MNS1: variants seen among roughly 807,000 people sequenced by gnomAD.
MNS1 encodes the protein meiosis-specific nuclear structural protein 1.
A neutral mutation model predicts 72.0 loss-of-function variants in MNS1; 63 were observed. The ratio of observed to expected loss-of-function variants is 0.87; its 90% CI spans 0.71 to 1.08. MNS1 has a LOEUF of 1.08. MNS1 is among the 50% of genes least tolerant of loss of function. The pLI is 0.00. For missense variants in MNS1, 604 were observed against 562.4 expected (o/e 1.07, Z -0.75); for synonymous variants, 188 against 172.1 (o/e 1.09, Z -0.72).
At chr15:56,462,109 A>C (rs1286344867) in intron 2 of MNS1, among the ~76,000 whole-genome samples, 1 of 149,572 alleles carries the variant, frequency 6.7e-6, no homozygotes, top group African/African-American at 2.5e-5. Context: ...GGCTCAAGAG[A>C]TCCTTCCATC....
At chr15:56,451,211 C>T (rs1172920707) in intron 3 of MNS1, among the ~76,000 whole-genome samples, 6 of 152,132 alleles carry the variant, frequency 3.9e-5, no homozygotes, top group East Asian at 1.9e-4. Flanking sequence ...TAGTTTTTCA[C>T]GTAGTCCCAA....
intron 7 of MNS1, among the ~76,000 whole-genome samples, chr15:56,443,181 A>G (rs563012297): frequency 6.6e-6 from 1 of 152,242 alleles, no homozygotes; most frequent in South Asian, 2.1e-4. Flanking sequence ...TAAAGTATGT[A>G]TCTTCATTTT....
chr15:56,438,135 C>CA (rs1567149042), intron 7 of MNS1, among the ~76,000 whole-genome samples: 1 of 152,074 alleles, frequency 6.6e-6, no homozygotes, highest in South Asian at 2.1e-4. Flanking sequence ...CATATGGAAC[C>CA]AAAAAAGGGG....
At chr15:56,455,275 T>C (rs1231796292) in intron 3 of MNS1, among the ~76,000 whole-genome samples, 1 of 129,968 alleles carries the variant, frequency 7.7e-6, no homozygotes, top group Non-Finnish European at 1.6e-5. Flanking sequence ...AAAAAAACCA[T>C]GAGTAACAGC....
At chr15:56,459,455 A>G (rs571756345) in intron 2 of MNS1, among the ~76,000 whole-genome samples, 17 of 152,294 alleles carry the variant, frequency 1.1e-4, no homozygotes, top group East Asian at 3.9e-4. Context: ...TATGCCTTCA[A>G]TTATCTCTTG....
chr15:56,434,043 GC>G (rs1463028217), intron 8 of MNS1, 94 bp downstream of exon 8: 1 of 1,305,348 alleles, frequency 7.7e-7, no homozygotes, highest in African/African-American at 1.5e-5. Flanking sequence ...ACATTGTCTG[GC>G]ATATAAAGCT....
intron 7 of MNS1, among the ~76,000 whole-genome samples, chr15:56,441,720 TA>T (rs2050817044): frequency 6.6e-6 from 1 of 151,964 alleles, no homozygotes; most frequent in Admixed American, 6.6e-5. Flanking sequence ...CAACCCTATT[TA>T]AAAAATAGAC....
chr15:56,459,143 T>G (rs1235891349), intron 2 of MNS1, among the ~76,000 whole-genome samples: 1 of 152,194 alleles, frequency 6.6e-6, no homozygotes, highest in Admixed American at 6.5e-5. Context: ...CCCTGGCACC[T>G]ACTTATCTAT....
intron 4 of MNS1, among the ~76,000 whole-genome samples, chr15:56,446,420 C>T (rs191001953): frequency 1.3e-4 from 20 of 151,958 alleles, no homozygotes; most frequent in South Asian, 4.1e-4. Flanking sequence ...CAGAGAGAAA[C>T]ATGAGAAAAA....
chr15:56,446,953 A>G lies in MNS1; in HGVS notation c.354-10T>C, dbSNP rs200977062. 3.2e-6 allele frequency: 5 copies of G among 1,572,308 alleles called. No individual in the cohort carries two copies. In the Admixed American group the frequency reaches 6.7e-5, roughly 21 times the overall value. On this transcript the variant is annotated splice_polypyrimidine_tract_variant and intron_variant, in intron 3 of 9. Coordinates refer to ENST00000260453, the MANE Select transcript of MNS1 (RefSeq NM_018365.4). ...TTCTCTAAGCTCAATGCTGTTTAAAAAAACAAAAACAAATTTAAATGTTAG... is the reference window on the plus strand; with the variant it reads ...TTCTCTAAGCTCAATGCTGTTTAAAGAAACAAAAACAAATTTAAATGTTAG...
chr15:56,456,735 A>C (rs1337159699), intron 2 of MNS1, among the ~76,000 whole-genome samples: 3 of 152,146 alleles, frequency 2.0e-5, no homozygotes, highest in African/African-American at 7.2e-5. Context: ...AGAATATTTA[A>C]ATACACTCTC....
intron 7 of MNS1, among the ~76,000 whole-genome samples, chr15:56,435,284 G>A (rs1348320145): frequency 6.6e-6 from 1 of 151,694 alleles, no homozygotes. Flanking sequence ...GAACTGTAAA[G>A]TAAACCCAAA....
chr15:56,456,666 A>G (rs1335338316), intron 2 of MNS1, 145 bp from the exon 3 acceptor site: 2 of 871,442 alleles, frequency 2.3e-6, no homozygotes, highest in Middle Eastern at 3.5e-4. Flanking sequence ...TGTTGTTTCA[A>G]TAAATACTTT....
At chr15:56,445,280 T>C (rs1201353858) in intron 4 of MNS1, among the ~76,000 whole-genome samples, 2 of 152,066 alleles carry the variant, frequency 1.3e-5, no homozygotes, top group Admixed American at 6.6e-5. Context: ...ACCATTCCCA[T>C]TGTCAAGAGA....
At position 56,461,752 on chromosome 15, in the gene MNS1, A is replaced by G. The variant is rs139694350; in HGVS notation, c.225+2274T>C. Among the ~76,000 whole-genome samples, 30 of 151,862 alleles carry G rather than the reference A, an allele frequency of 2.0e-4. No individual in the cohort carries two copies. The East Asian group carries it at 5.4e-3, about 27-fold the overall frequency. The stretch of plus-strand genomic sequence containing the variant: ...GATAATTTGAGCATCAAAAATAATA[A>G]TAAATGCAATTAAGTACATAAATAT... On this transcript the variant is annotated intron_variant, in intron 2 of 9. Coordinates refer to ENST00000260453, the MANE Select transcript of MNS1 (RefSeq NM_018365.4).
chr15:56,463,250 A>G (rs900145461), intron 2 of MNS1, among the ~76,000 whole-genome samples: 1 of 152,208 alleles, frequency 6.6e-6, no homozygotes, highest in Non-Finnish European at 1.5e-5. Flanking sequence ...TAATTTCAGT[A>G]AATTTTTTAA....
At chr15:56,463,516 G>A (rs1188607637) in intron 2 of MNS1, among the ~76,000 whole-genome samples, 1 of 152,096 alleles carries the variant, frequency 6.6e-6, no homozygotes, top group Non-Finnish European at 1.5e-5. Flanking sequence ...GGGCGCGGTG[G>A]CTCACCCCTA....
intron 3 of MNS1, among the ~76,000 whole-genome samples, chr15:56,449,419 G>A (rs2050932660): frequency 6.6e-6 from 1 of 152,114 alleles, no homozygotes; most frequent in Non-Finnish European, 1.5e-5. Flanking sequence ...TTTTTAAAAT[G>A]TTAAACCACC....
intron 4 of MNS1, among the ~76,000 whole-genome samples, chr15:56,446,390 G>A (rs1370263373): frequency 6.6e-6 from 1 of 151,994 alleles, no homozygotes; most frequent in Non-Finnish European, 1.5e-5. Flanking sequence ...CATATCAGGA[G>A]TTAGAAAAGG....
Sources: gnomAD v4.1 joint callset for allele counts (sites outside exome capture counted in the v4.1 genomes callset) on GRCh38, gnomAD v4.1.1 for gene constraint, MANE v1.5 for transcripts, NCBI Gene and HGNC (gene_info 2026-07-23, HGNC 2026-07-21) for gene names.